The following GALK2 variants were observed in gnomAD, a reference collection of about 807,000 sequenced individuals.
GALK2 encodes the protein galactokinase 2.
In GALK2, 36 loss-of-function variants were observed where a neutral mutation model predicts 52.4. The observed-to-expected ratio is 0.69, with a 90% CI of 0.53 to 0.91. The LOEUF is 0.91. Among genes scored for constraint, GALK2 ranks in the 40% least tolerant of loss-of-function variants. The pLI, the probability that GALK2 is intolerant of heterozygous loss-of-function variation, is 0.00. For missense variants in GALK2, 579 were observed against 559.1 expected, an observed-to-expected ratio of 1.04 and a Z score of -0.36; for synonymous variants, 176 against 199.1, an observed-to-expected ratio of 0.88 and a Z score of 0.98.
At chr15:49,367,250 G>A (rs2045363474) in intron 3 of GALK2, among the ~76,000 whole-genome samples, 1 of 152,024 alleles carries the variant, frequency 6.6e-6, no homozygotes, top group Non-Finnish European at 1.5e-5. Context: ...TTTCTTACAT[G>A]CAAAATCATA....
chr15:49,250,905 T>C (rs1246841663), intron 5 of GALK2, among the ~76,000 whole-genome samples: 1 of 152,204 alleles, frequency 6.6e-6, no homozygotes, highest in Non-Finnish European at 1.5e-5. Flanking sequence ...TCTCAGGATA[T>C]AGGAAAACTT....
chr15:49,345,942 G>A (rs1015142704), intron 3 of GALK2, among the ~76,000 whole-genome samples: 1 of 152,048 alleles, frequency 6.6e-6, no homozygotes, highest in East Asian at 1.9e-4. Context: ...AATGGCCCAG[G>A]GGCAAATTTC....
intron 5 of GALK2, among the ~76,000 whole-genome samples, chr15:49,261,743 T>A (rs2092120760): frequency 6.6e-6 from 1 of 152,118 alleles, no homozygotes. Context: ...ATACATCCCA[T>A]CAATACCTAA....
upstream of GALK2, among the ~76,000 whole-genome samples, chr15:49,168,121 G>A (rs1297837618): frequency 6.6e-6 from 1 of 152,120 alleles, no homozygotes; most frequent in East Asian, 1.9e-4. Flanking sequence ...TTTCAAAAAA[G>A]GATGCTTTAC....
intron 7 of GALK2, among the ~76,000 whole-genome samples, chr15:49,291,650 T>G (rs528776692): frequency 8.5e-5 from 13 of 152,278 alleles, no homozygotes; most frequent in Admixed American, 5.9e-4. Flanking sequence ...CATGGGTGGT[T>G]ACAGATTTGG....
At chr15:49,221,650 A>G (rs1260232130) in intron 3 of GALK2, among the ~76,000 whole-genome samples, 2 of 152,186 alleles carry the variant, frequency 1.3e-5, no homozygotes, top group African/African-American at 4.8e-5. Context: ...CTGGGCAACA[A>G]GAGCAAAATC....
At chr15:49,256,207 T>G (rs1418674121) in intron 5 of GALK2, among the ~76,000 whole-genome samples, 3 of 152,054 alleles carry the variant, frequency 2.0e-5, no homozygotes, top group African/African-American at 7.2e-5. Context: ...TTTTAAGGGG[T>G]TTATGCTACA....
At chr15:49,236,702 A>G (rs1186551266) in intron 4 of GALK2, among the ~76,000 whole-genome samples, 1 of 152,236 alleles carries the variant, frequency 6.6e-6, no homozygotes, top group Non-Finnish European at 1.5e-5. Flanking sequence ...GCATAGAATC[A>G]TAGTAGGACA....
At chr15:49,344,788 T>G (rs748340522) in intron 3 of GALK2, among the ~76,000 whole-genome samples, 6 of 152,186 alleles carry the variant, frequency 3.9e-5, no homozygotes, top group South Asian at 2.1e-4. Context: ...AATAAAAGGT[T>G]CAGCAATCTT....
chr15:49,355,644 G>C (rs143359226), intron 3 of GALK2, among the ~76,000 whole-genome samples: 25,372 of 151,812 alleles, frequency 0.17, 2,356 homozygotes, highest in Non-Finnish European at 0.21. Context: ...GGGGAGAATG[G>C]AACCAAGTTG....
chr15:49,364,587 TA>T (rs199670723), intron 3 of GALK2, among the ~76,000 whole-genome samples: 1 of 152,144 alleles, frequency 6.6e-6, no homozygotes, highest in Admixed American at 6.6e-5. Flanking sequence ...GATTGGGTTT[TA>T]AAAAAACATA....
chr15:49,241,240 C>T (rs1397039737), intron 5 of GALK2, among the ~76,000 whole-genome samples: 2 of 152,074 alleles, frequency 1.3e-5, no homozygotes, highest in Non-Finnish European at 2.9e-5. Context: ...TGAGATGGTA[C>T]ATTTGAGAAT....
At chr15:49,310,949 G>T (rs915870663) in intron 8 of GALK2, among the ~76,000 whole-genome samples, 1 of 151,936 alleles carries the variant, frequency 6.6e-6, no homozygotes, top group African/African-American at 2.4e-5. Context: ...GTTGTCTTAC[G>T]CATAAGTTCT....
At position 49,315,799 on chromosome 15, in the gene GALK2, C is replaced by T. The variant is rs138253138; in HGVS notation, c.968-3805C>T. Among the ~76,000 whole-genome samples, 167 of 152,240 alleles carry T rather than the reference C, an allele frequency of 1.1e-3. 1 individual carries two copies. Among genetic ancestry groups the T allele is most frequent in the African/African-American group, 4.0e-3 (165 of 41,532 alleles). On this transcript the variant is annotated intron_variant, in intron 8 of 9. Coordinates refer to ENST00000560031, the MANE Select transcript of GALK2 (RefSeq NM_002044.4). ...TTCCTCTGCAAGAAGAGAACAGATTCAGGAAGGTGCCAGGATTGTGAGGTT... is the reference window on the plus strand; with the variant it reads ...TTCCTCTGCAAGAAGAGAACAGATTTAGGAAGGTGCCAGGATTGTGAGGTT...
intron 5 of GALK2, among the ~76,000 whole-genome samples, chr15:49,277,380 G>A (rs1431615253): frequency 7.0e-6 from 1 of 142,808 alleles, no homozygotes; most frequent in African/African-American, 2.5e-5. Context: ...GTTTTAGCCG[G>A]GATGGTCTCG....
At chr15:49,300,270 T>C (rs2034994097) in intron 8 of GALK2, among the ~76,000 whole-genome samples, 1 of 152,038 alleles carries the variant, frequency 6.6e-6, no homozygotes, top group Non-Finnish European at 1.5e-5. Flanking sequence ...CCTGCTCTTT[T>C]TGTCTTCTGT....
In GALK2 at chr15:49,319,647, C is replaced by A. The variant is rs771720042; in HGVS notation, c.1011C>A (p.Ser337Arg). Residue 337 changes from serine to arginine, a missense_variant, in exon 9 of 10, where the codon AGC (serine) becomes AGA (arginine). Physicochemically the swap from Ser to Arg is moderately radical, Grantham distance 110 (BLOSUM62 -1). Coordinates refer to ENST00000560031, the MANE Select transcript of GALK2 (RefSeq NM_002044.4). ...KLYQRAKHVYSEAARVLQFKK... is the reference protein window; with the variant it reads ...KLYQRAKHVYREAARVLQFKK... ...ATCAGCGGGCAAAGCATGTGTACAG[C>A]GAGGCTGCGCGAGTGCTCCAGTTTA... The A allele has an allele frequency of 1.9e-6, 3 of 1,614,120 alleles. No homozygotes were observed. The highest frequency in any genetic ancestry group is 1.1e-5 in the South Asian group (1 of 91,064).
At chr15:49,210,637 C>T (rs972528100) in intron 2 of GALK2, among the ~76,000 whole-genome samples, 2 of 151,940 alleles carry the variant, frequency 1.3e-5, no homozygotes, top group African/African-American at 4.8e-5. Flanking sequence ...GACAGGGTTT[C>T]ACCACGAAGG....
intron 8 of GALK2, among the ~76,000 whole-genome samples, chr15:49,310,791 C>T (rs2035927880): frequency 6.6e-6 from 1 of 151,876 alleles, no homozygotes; most frequent in Non-Finnish European, 1.5e-5. Context: ...GATATTAGTT[C>T]CTTGTTAGAT....
Sources: gnomAD v4.1 joint callset for allele counts (sites outside exome capture counted in the v4.1 genomes callset) on GRCh38, gnomAD v4.1.1 for gene constraint, MANE v1.5 for transcripts, NCBI Gene and HGNC (gene_info 2026-07-23, HGNC 2026-07-21) for gene names.